KCNG3: variants seen among roughly 807,000 people sequenced by gnomAD.
The protein encoded by KCNG3 is voltage-gated potassium channel regulatory subunit KCNG3.
Under a neutral mutation model 29.0 loss-of-function variants are expected in KCNG3, and 15 were observed. The observed-to-expected ratio is 0.52, with a 90% CI of 0.35 to 0.80. The LOEUF is 0.80. KCNG3 is among the 30% of genes least tolerant of loss of function. The probability of loss-of-function intolerance (pLI) is 0.01; values close to 1 mark genes in which losing one functional copy is unlikely to be tolerated. For missense variants in KCNG3, 512 were observed against 605.7 expected (o/e 0.85, Z 1.62); for synonymous variants, 322 against 248.9 (o/e 1.29, Z -2.76).
At chr2:42,394,285 A>G in the KCNG3 span, among the ~76,000 whole-genome samples, 2 of 152,232 alleles carry the variant, frequency 1.3e-5, 1 homozygote, top group South Asian at 4.1e-4. Context: ...AGGGAAGAGT[A>G]GACATAGGGA....
At chr2:42,452,508 T>C (rs77431674) in intron 1 of KCNG3, among the ~76,000 whole-genome samples, 206 of 152,002 alleles carry the variant, frequency 1.4e-3, no homozygotes, top group African/African-American at 4.6e-3. Context: ...CCATACCCAC[T>C]TCCCCACCAC....
At chr2:42,397,485 C>T in the KCNG3 span, among the ~76,000 whole-genome samples, 3 of 151,922 alleles carry the variant, frequency 2.0e-5, no homozygotes, top group East Asian at 5.8e-4. Context: ...TATACATATG[C>T]CTATTATATA....
At chr2:42,468,169 A>T (rs1673191008) in intron 1 of KCNG3, among the ~76,000 whole-genome samples, 2 of 152,194 alleles carry the variant, frequency 1.3e-5, no homozygotes, top group South Asian at 2.1e-4. Context: ...TCATCAGTAC[A>T]ACTCTAGAGG....
At chr2:42,481,259 T>C (rs1673576233) in intron 1 of KCNG3, among the ~76,000 whole-genome samples, 1 of 152,114 alleles carries the variant, frequency 6.6e-6, no homozygotes, top group Admixed American at 6.6e-5. Context: ...ACTTGGCTGA[T>C]TATAAGAATA....
the KCNG3 span, among the ~76,000 whole-genome samples, chr2:42,428,397 G>A: frequency 6.8e-6 from 1 of 147,700 alleles, no homozygotes; most frequent in Admixed American, 6.8e-5. Flanking sequence ...GGAGGCAGAG[G>A]TTGCGGTGAG....
At chr2:42,477,617 A>G (rs13022848) in intron 1 of KCNG3, among the ~76,000 whole-genome samples, 129,971 of 151,494 alleles carry the variant, frequency 0.86, 55,743 homozygotes, top group Middle Eastern at 0.95. Flanking sequence ...GGTGGCTCAG[A>G]CCTGCAATCC....
At chr2:42,458,039 C>T (rs1049030578) in intron 1 of KCNG3, among the ~76,000 whole-genome samples, 17 of 152,148 alleles carry the variant, frequency 1.1e-4, no homozygotes, top group African/African-American at 4.1e-4. Context: ...GCCTGGGATT[C>T]ATGGATGTCC....
the KCNG3 span, among the ~76,000 whole-genome samples, chr2:42,402,537 A>C: frequency 6.6e-6 from 1 of 152,178 alleles, no homozygotes; most frequent in Non-Finnish European, 1.5e-5. Flanking sequence ...AAAAGTTTTA[A>C]AGTTTTGTTT....
intron 1 of KCNG3, among the ~76,000 whole-genome samples, chr2:42,482,683 T>C (rs1480362371): frequency 1.3e-5 from 2 of 152,126 alleles, no homozygotes; most frequent in Non-Finnish European, 2.9e-5. Context: ...GAGCTGAGAT[T>C]GCACCACTGC....
chr2:42,492,046 TAAGAA>T (rs1673891747), intron 1 of KCNG3, among the ~76,000 whole-genome samples: 1 of 152,190 alleles, frequency 6.6e-6, no homozygotes. Context: ...TAAGACAGTC[TAAGAA>T]AAGACTGCAA....
At chr2:42,466,223 T>C (rs796463253) in intron 1 of KCNG3, among the ~76,000 whole-genome samples, 20 of 152,240 alleles carry the variant, frequency 1.3e-4, no homozygotes, top group African/African-American at 3.9e-4. Context: ...CTGGTCAACA[T>C]GGTGAAACCC....
Position 42,477,205 on chromosome 2 carries a change from A to G in KCNG3, c.665+15632T>C, listed in dbSNP as rs1360158032. On this transcript the variant is annotated intron_variant, in intron 1 of 1. Coordinates refer to ENST00000306078, the MANE Select transcript of KCNG3 (RefSeq NM_133329.6). ...AGACTCTGTTTCAAAAAAAAAAAAGAAAAAAAAAAGTACTGATTAAAAAAA... is the reference window on the plus strand; with the variant it reads ...AGACTCTGTTTCAAAAAAAAAAAAGGAAAAAAAAAGTACTGATTAAAAAAA... Among the ~76,000 whole-genome samples, 3 of 145,646 alleles carry G rather than the reference A, an allele frequency of 2.1e-5. 1 individual carries two copies. The highest frequency in any genetic ancestry group is 4.6e-5 in the Non-Finnish European group (3 of 65,842).
intron 1 of KCNG3, among the ~76,000 whole-genome samples, chr2:42,477,922 A>G (rs762023420): frequency 1.3e-4 from 20 of 151,866 alleles, no homozygotes; most frequent in Non-Finnish European, 1.9e-4. Context: ...TTTCACGGGC[A>G]TCCCACAGGG....
the KCNG3 span, among the ~76,000 whole-genome samples, chr2:42,432,403 T>A: frequency 1.3e-5 from 2 of 152,192 alleles, no homozygotes; most frequent in African/African-American, 4.8e-5. Context: ...TGTTGGGAAA[T>A]CCAGTTCCCG....
At chr2:42,480,617 C>T (rs181474333) in intron 1 of KCNG3, among the ~76,000 whole-genome samples, 2 of 151,822 alleles carry the variant, frequency 1.3e-5, no homozygotes, top group South Asian at 2.1e-4. Flanking sequence ...GTAGTGTTCA[C>T]GAGTCACAAA....
intron 1 of KCNG3, among the ~76,000 whole-genome samples, chr2:42,491,399 C>T (rs1027646498): frequency 6.6e-6 from 1 of 152,024 alleles, no homozygotes; most frequent in African/African-American, 2.4e-5. Context: ...TAATTCAATT[C>T]TCCTGTTTCC....
chr2:42,394,649 GCTAC>G, the KCNG3 span, among the ~76,000 whole-genome samples: 5 of 152,182 alleles, frequency 3.3e-5, no homozygotes, highest in African/African-American at 1.2e-4. Context: ...CTTTGGAGAG[GCTAC>G]CTATGACCTG....
the KCNG3 span, among the ~76,000 whole-genome samples, chr2:42,425,313 C>T: frequency 1.3e-5 from 2 of 149,048 alleles, no homozygotes; most frequent in Admixed American, 6.7e-5. Flanking sequence ...GCACGAGAAT[C>T]GCTTGAACCC....
chr2:42,467,857 G>A (rs2103701499), intron 1 of KCNG3, among the ~76,000 whole-genome samples: 1 of 151,508 alleles, frequency 6.6e-6, no homozygotes, highest in Admixed American at 6.6e-5. Context: ...TATAGTCCTA[G>A]CTACTGGGGA....
Sources: gnomAD v4.1 joint callset for allele counts (sites outside exome capture counted in the v4.1 genomes callset) on GRCh38, gnomAD v4.1.1 for gene constraint, MANE v1.5 for transcripts, NCBI Gene and HGNC (gene_info 2026-07-23, HGNC 2026-07-21) for gene names.